Variants in RBFOX1 observed in about 807,000 individuals in gnomAD.
RBFOX1 encodes the protein RNA binding protein fox-1 homolog 1.
In RBFOX1, 8 loss-of-function variants were observed where a neutral mutation model predicts 57.7. The ratio of observed to expected loss-of-function variants is 0.14; its 90% CI spans 0.08 to 0.25. The LOEUF (loss-of-function observed/expected upper bound fraction) is 0.25, where lower values mean the gene tolerates loss of function less well. RBFOX1 is among the 10% of genes least tolerant of loss of function. The pLI is 1.00. For synonymous variants in RBFOX1, 326 were observed against 222.4 expected (o/e 1.47, Z -4.15); for missense variants, 611 against 548.5 (o/e 1.11, Z -1.14).
intron 10 of RBFOX1, 87 bp downstream of exon 10, chr16:7,607,425 C>A: frequency 1.6e-6 from 2 of 1,285,534 alleles, no homozygotes; most frequent in Non-Finnish European, 2.2e-6. Flanking sequence ...TGTAAAATAA[C>A]CTGAAGCAAG....
At chr16:6,189,754 TATATG>T (rs2097130407) in intron 1 of RBFOX1, among the ~76,000 whole-genome samples, 1 of 152,234 alleles carries the variant, frequency 6.6e-6, no homozygotes, top group Admixed American at 6.5e-5. Flanking sequence ...AAACAAGTAA[TATATG>T]ATATTTTTTA....
At chr16:5,982,574 C>T (rs945902700) in intron 4 of RBFOX1, among the ~76,000 whole-genome samples, 2 of 152,182 alleles carry the variant, frequency 1.3e-5, no homozygotes, top group Admixed American at 1.3e-4. Flanking sequence ...CTGTGCCCAG[C>T]CTGCACATGA....
At chr16:5,840,362 G>T (rs1452153136) in intron 3 of RBFOX1, among the ~76,000 whole-genome samples, 2 of 152,192 alleles carry the variant, frequency 1.3e-5, no homozygotes, top group South Asian at 2.1e-4. Context: ...CACCCAGAGA[G>T]GCCACCCCCT....
chr16:6,523,195 AGCAT>A (rs1479787643), intron 2 of RBFOX1, among the ~76,000 whole-genome samples: 3 of 152,126 alleles, frequency 2.0e-5, no homozygotes, highest in Non-Finnish European at 4.4e-5. Context: ...CTCTCTTCTC[AGCAT>A]GCAGAGGAAT....
At chr16:7,350,831 G>C (rs140938148) in intron 4 of RBFOX1, among the ~76,000 whole-genome samples, 3 of 152,302 alleles carry the variant, frequency 2.0e-5, no homozygotes, top group East Asian at 1.9e-4. Flanking sequence ...AAATGTATCT[G>C]TGTCTGTGCC....
chr16:5,568,834 A>G (rs1191639586), intron 2 of RBFOX1, among the ~76,000 whole-genome samples: 1 of 151,888 alleles, frequency 6.6e-6, no homozygotes, highest in Non-Finnish European at 1.5e-5. Flanking sequence ...AAATCATGAC[A>G]TCGGTTCTTT....
At chr16:5,567,730 C>T (rs1341239772) in intron 2 of RBFOX1, among the ~76,000 whole-genome samples, 1 of 151,538 alleles carries the variant, frequency 6.6e-6, no homozygotes, top group Non-Finnish European at 1.5e-5. Context: ...TCCTCACTGC[C>T]ACCATCAACA....
chr16:7,523,186 C>G (rs1441461960), intron 5 of RBFOX1, among the ~76,000 whole-genome samples: 4 of 152,202 alleles, frequency 2.6e-5, no homozygotes, highest in Non-Finnish European at 1.5e-5. Flanking sequence ...CTTTTCATTG[C>G]TGAGTACTGT....
intron 2 of RBFOX1, among the ~76,000 whole-genome samples, chr16:5,515,634 A>AG (rs1364811418): frequency 6.6e-6 from 1 of 152,206 alleles, no homozygotes; most frequent in Non-Finnish European, 1.5e-5. Context: ...GTACGGTTGA[A>AG]GTAGTCACTG....
intron 3 of RBFOX1, among the ~76,000 whole-genome samples, chr16:7,008,616 C>G (rs534450341): frequency 3.2e-4 from 40 of 126,028 alleles, no homozygotes; most frequent in Non-Finnish European, 5.5e-4. Flanking sequence ...AAATGAAATT[C>G]CCTCCCTCCC....
rs1247470930 is a variant in RBFOX1, at chr16:6,089,075, A to AT, written c.-127+69083_-127+69084insT. Among the ~76,000 whole-genome samples, 1,270 of 146,974 alleles carry AT rather than the reference A, an allele frequency of 8.6e-3. 13 individuals carry two copies. The highest frequency in any genetic ancestry group is 0.021 in the African/African-American group (830 of 39,036). ...AGTGAAACTCTGTCTCAAAAAAAAA[A>AT]AAAATATATATATATATATATGATC... On this transcript the variant is annotated intron_variant, in intron 1 of 15. Coordinates refer to ENST00000550418, the MANE Select transcript of RBFOX1 (RefSeq NM_018723.4).
intron 4 of RBFOX1, among the ~76,000 whole-genome samples, chr16:5,878,176 C>T (rs1158809460): frequency 6.6e-6 from 1 of 152,072 alleles, no homozygotes; most frequent in Non-Finnish European, 1.5e-5. Flanking sequence ...ATCAGCTGGA[C>T]ATGTGGATGA....
intron 1 of RBFOX1, among the ~76,000 whole-genome samples, chr16:6,239,865 T>C (rs946457167): frequency 2.0e-5 from 3 of 152,150 alleles, no homozygotes; most frequent in African/African-American, 7.2e-5. Context: ...ATCATAAAAA[T>C]AGGTACGTGA....
intron 4 of RBFOX1, among the ~76,000 whole-genome samples, chr16:5,948,850 G>C (rs536668271): frequency 5.3e-5 from 8 of 152,264 alleles, no homozygotes; most frequent in African/African-American, 1.9e-4. Flanking sequence ...ATACACACTA[G>C]TAGGTCCTAT....
intron 2 of RBFOX1, among the ~76,000 whole-genome samples, chr16:6,571,211 G>A (rs939515151): frequency 1.3e-5 from 2 of 152,160 alleles, no homozygotes; most frequent in Admixed American, 1.3e-4. Flanking sequence ...AGGCTTCTTC[G>A]AAAATTGTCA....
chr16:6,122,194 C>G (rs759308993), intron 1 of RBFOX1, among the ~76,000 whole-genome samples: 2 of 152,220 alleles, frequency 1.3e-5, no homozygotes, highest in African/African-American at 4.8e-5. Context: ...GCGTGAGCCA[C>G]TGTGCCTGGC....
At chr16:5,830,477 G>T (rs538526101) in intron 3 of RBFOX1, among the ~76,000 whole-genome samples, 171 of 152,152 alleles carry the variant, frequency 1.1e-3, no homozygotes, top group Non-Finnish European at 2.1e-3. Context: ...ATTGTATAGA[G>T]GCCGGGACTG....
chr16:6,149,427 C>T (rs183328987), intron 1 of RBFOX1, among the ~76,000 whole-genome samples: 42 of 152,272 alleles, frequency 2.8e-4, no homozygotes, highest in African/African-American at 1.0e-3. Flanking sequence ...CTTAGAAGTA[C>T]CCGTGTATGC....
chr16:7,393,613 A>G (rs1476046171), intron 4 of RBFOX1, among the ~76,000 whole-genome samples: 1 of 152,132 alleles, frequency 6.6e-6, no homozygotes, highest in East Asian at 1.9e-4. Flanking sequence ...AGAGGAAGGT[A>G]TGGTTTCAGG....
Sources: gnomAD v4.1 joint callset for allele counts (sites outside exome capture counted in the v4.1 genomes callset) on GRCh38, gnomAD v4.1.1 for gene constraint, MANE v1.5 for transcripts, NCBI Gene and HGNC (gene_info 2026-07-23, HGNC 2026-07-21) for gene names.